The following CNTN4 variants were observed in gnomAD, a reference collection of about 807,000 sequenced individuals.
The protein encoded by CNTN4 is contactin-4.
CNTN4 carries 77 observed loss-of-function variants against 122.5 expected under a neutral mutation model. The observed-to-expected ratio is 0.63, with a 90% CI of 0.52 to 0.76. The LOEUF (loss-of-function observed/expected upper bound fraction) is 0.76. Ranked by LOEUF, CNTN4 falls within the 30% of genes least tolerant of loss-of-function variation. CNTN4 has a pLI of 0.00. For missense variants in CNTN4, 1,256 were observed against 1,259.1 expected, an observed-to-expected ratio of 1.00 and a Z score of 0.04; for synonymous variants, 512 against 447.0, an observed-to-expected ratio of 1.15 and a Z score of -1.83.
chr3:3,051,352 CT>C (rs1701252602), intron 23 of CNTN4, among the ~76,000 whole-genome samples: 1 of 152,144 alleles, frequency 6.6e-6, no homozygotes, highest in African/African-American at 2.4e-5. Context: ...CTTTACAGGA[CT>C]TTATTTGGGT....
At chr3:2,538,051 C>T (rs946756058) in intron 3 of CNTN4, among the ~76,000 whole-genome samples, 1 of 151,840 alleles carries the variant, frequency 6.6e-6, no homozygotes, top group Non-Finnish European at 1.5e-5. Context: ...GATGTAATTA[C>T]TTAAGGTGAT....
Position 2,250,085 on chromosome 3 carries a change from G to C in CNTN4, c.-144-89093G>C, listed in dbSNP as rs1249891235. Among the ~76,000 whole-genome samples, 3 of 151,974 alleles carry C rather than the reference G, an allele frequency of 2.0e-5. No homozygotes were observed. The East Asian group carries it at 5.8e-4, about 29-fold the overall frequency. On this transcript the variant is annotated intron_variant, in intron 2 of 24. Coordinates refer to ENST00000418658, the MANE Select transcript of CNTN4 (RefSeq NM_175607.3). ...CAGTATGGGTTTTGGGTCTCATATA[G>C]AGAAGATGGCTCATTTGATCGAATA...
chr3:2,506,651 A>G (rs17015342), intron 3 of CNTN4, among the ~76,000 whole-genome samples: 28,574 of 152,224 alleles, frequency 0.19, 3,215 homozygotes, highest in African/African-American at 0.32. Context: ...TTAAAACTGT[A>G]TCTATTTCAG....
intron 4 of CNTN4, among the ~76,000 whole-genome samples, chr3:2,612,001 C>G (rs1346205022): frequency 1.3e-5 from 1 of 76,216 alleles, no homozygotes; most frequent in Non-Finnish European, 2.8e-5. Context: ...AAGATTCTTA[C>G]AAAATATTCT....
At chr3:2,240,427 T>A (rs957454931) in intron 2 of CNTN4, among the ~76,000 whole-genome samples, 3 of 152,254 alleles carry the variant, frequency 2.0e-5, no homozygotes, top group Middle Eastern at 3.4e-3. Context: ...TTTTTCCAAA[T>A]ATACCAACAG....
At chr3:2,464,830 A>G (rs1293340904) in intron 3 of CNTN4, among the ~76,000 whole-genome samples, 1 of 152,148 alleles carries the variant, frequency 6.6e-6, no homozygotes, top group Non-Finnish European at 1.5e-5. Flanking sequence ...TTTTGTGGCA[A>G]CCACATTTAT....
chr3:2,885,840 C>T (rs1199499534), intron 9 of CNTN4, among the ~76,000 whole-genome samples: 1 of 152,142 alleles, frequency 6.6e-6, no homozygotes, highest in African/African-American at 2.4e-5. Context: ...GAGTCTCACA[C>T]ACATTTCTGG....
intron 2 of CNTN4, among the ~76,000 whole-genome samples, chr3:2,252,446 G>A (rs914384387): frequency 5.3e-5 from 8 of 151,960 alleles, no homozygotes; most frequent in South Asian, 2.1e-4. Context: ...AAATAAAAAC[G>A]ACTTAGTCTT....
intron 12 of CNTN4, among the ~76,000 whole-genome samples, chr3:2,912,903 G>A (rs538341498): frequency 5.3e-5 from 8 of 152,338 alleles, no homozygotes; most frequent in East Asian, 1.9e-4. Flanking sequence ...CGTAATCCCA[G>A]CACTTTGGGA....
At chr3:2,815,621 C>A (rs1184251583) in intron 6 of CNTN4, among the ~76,000 whole-genome samples, 1 of 151,724 alleles carries the variant, frequency 6.6e-6, no homozygotes, top group Admixed American at 6.6e-5. Context: ...GGGAACACTT[C>A]TACACCACTG....
chr3:2,210,392 T>C (rs1304039743), intron 2 of CNTN4, among the ~76,000 whole-genome samples: 2 of 152,156 alleles, frequency 1.3e-5, no homozygotes, highest in Non-Finnish European at 2.9e-5. Context: ...CCATTCCCAA[T>C]GTAGTCCAAG....
chr3:2,134,304 A>C (rs555387499), intron 2 of CNTN4, among the ~76,000 whole-genome samples: 3 of 152,200 alleles, frequency 2.0e-5, no homozygotes, highest in Non-Finnish European at 4.4e-5. Context: ...TCTCCAGGGC[A>C]CTGGTGTGCT....
chr3:2,761,122 TC>T (rs1475726820), intron 6 of CNTN4, among the ~76,000 whole-genome samples: 3 of 152,330 alleles, frequency 2.0e-5, no homozygotes, highest in African/African-American at 7.2e-5. Flanking sequence ...CACCTTGTAC[TC>T]GTTTTCTAAG....
intron 2 of CNTN4, among the ~76,000 whole-genome samples, chr3:2,152,343 T>C (rs1193026506): frequency 6.6e-6 from 1 of 152,188 alleles, no homozygotes; most frequent in Non-Finnish European, 1.5e-5. Context: ...GGCCAGTCTT[T>C]GTAAACCACT....
chr3:2,260,992 A>T (rs569158140), intron 2 of CNTN4, among the ~76,000 whole-genome samples: 1 of 152,096 alleles, frequency 6.6e-6, no homozygotes, highest in Non-Finnish European at 1.5e-5. Context: ...CGGCCTCCCA[A>T]AGTGCTGTGA....
chr3:2,818,261 C>A (rs568142198), intron 6 of CNTN4, among the ~76,000 whole-genome samples: 2 of 152,316 alleles, frequency 1.3e-5, no homozygotes, highest in East Asian at 1.9e-4. Context: ...CCAGAAGAAT[C>A]TGGTAATTAA....
chr3:2,233,174 G>T (rs7637949), intron 2 of CNTN4, among the ~76,000 whole-genome samples: 22,052 of 152,044 alleles, frequency 0.15, 1,944 homozygotes, highest in Non-Finnish European at 0.21. Flanking sequence ...TATACCCACA[G>T]AAACCCCAAA....
At chr3:2,363,767 A>G (rs997141642) in intron 3 of CNTN4, among the ~76,000 whole-genome samples, 1 of 152,186 alleles carries the variant, frequency 6.6e-6, no homozygotes, top group African/African-American at 2.4e-5. Flanking sequence ...TCCTCTTCAA[A>G]GTGGCTTTCT....
intron 3 of CNTN4, among the ~76,000 whole-genome samples, chr3:2,554,555 G>T (rs964968217): frequency 6.6e-6 from 1 of 152,038 alleles, no homozygotes; most frequent in African/African-American, 2.4e-5. Flanking sequence ...AAAAATTACT[G>T]AAAATTGAGG....
Sources: gnomAD v4.1 joint callset for allele counts (sites outside exome capture counted in the v4.1 genomes callset) on GRCh38, gnomAD v4.1.1 for gene constraint, MANE v1.5 for transcripts, NCBI Gene and HGNC (gene_info 2026-07-23, HGNC 2026-07-21) for gene names.